The following NAALADL2 variants were observed in gnomAD, a reference collection of about 807,000 sequenced individuals.
NAALADL2 encodes N-acetylated alpha-linked acidic dipeptidase like 2, also known as inactive N-acetylated-alpha-linked acidic dipeptidase-like protein 2.
NAALADL2 carries 76 observed loss-of-function variants against 87.2 expected under a neutral mutation model. The ratio of observed to expected loss-of-function variants is 0.87; its 90% CI spans 0.72 to 1.05. The LOEUF is 1.05. NAALADL2 is among the 50% of genes least tolerant of loss of function. The pLI is 0.00. For missense variants in NAALADL2, 1,089 were observed against 945.8 expected (o/e 1.15, Z -1.99); for synonymous variants, 354 against 331.0 (o/e 1.07, Z -0.75).
At chr3:174,613,362 C>T (rs1284563053) in intron 2 of NAALADL2, among the ~76,000 whole-genome samples, 1 of 152,184 alleles carries the variant, frequency 6.6e-6, no homozygotes, top group Non-Finnish European at 1.5e-5. Context: ...ATCCCTTCAG[C>T]ACAGTGAGTT....
chr3:174,932,233 A>G (rs983473251), intron 1 of NAALADL2, among the ~76,000 whole-genome samples: 7 of 152,184 alleles, frequency 4.6e-5, no homozygotes, highest in African/African-American at 1.7e-4. Context: ...GATATCTCTA[A>G]CAGCATATCA....
intron 1 of NAALADL2, among the ~76,000 whole-genome samples, chr3:174,981,544 G>A (rs1745114304): frequency 6.6e-6 from 1 of 152,242 alleles, no homozygotes; most frequent in South Asian, 2.1e-4. Context: ...TTTTGCAGAA[G>A]TGTTCATATA....
At position 175,628,404 on chromosome 3, in the gene NAALADL2, T is replaced by C. The variant is rs1241368311; in HGVS notation, c.1896+1018T>C. On this transcript the variant is annotated intron_variant, in intron 11 of 13. Coordinates refer to ENST00000454872, the MANE Select transcript of NAALADL2 (RefSeq NM_207015.3). The stretch of plus-strand genomic sequence containing the variant: ...TAACCCCATCATAAGTTGTGAAATG[T>C]GTGTATTTTTATAGCAGTGAGTTAA... Among the ~76,000 whole-genome samples the C allele has an allele frequency of 3.4e-4, 52 of 151,354 alleles. 1 individual carries two copies. The highest frequency in any genetic ancestry group is 3.4e-3 in the Admixed American group (52 of 15,166).
chr3:175,437,515 G>A (rs973816964), intron 5 of NAALADL2, among the ~76,000 whole-genome samples: 11 of 136,760 alleles, frequency 8.0e-5, no homozygotes, highest in African/African-American at 1.4e-4. Context: ...CGTGAAAATG[G>A]CCATACTGCC....
At chr3:174,566,009 TG>T (rs1187887979) in intron 2 of NAALADL2, among the ~76,000 whole-genome samples, 3 of 151,958 alleles carry the variant, frequency 2.0e-5, no homozygotes, top group Non-Finnish European at 2.9e-5. Flanking sequence ...TTCTTCATTT[TG>T]AATTGACCAA....
chr3:174,552,795 CAAAAAAAAAAAAAAA>C (rs1164243901), intron 2 of NAALADL2, among the ~76,000 whole-genome samples: 1 of 55,976 alleles, frequency 1.8e-5, no homozygotes, highest in Non-Finnish European at 3.7e-5. Flanking sequence ...GACCCTGCCT[CAAAAAAAAAAAAAAA>C]AAAAAAAAAA....
At chr3:174,787,604 T>TATATACACACAC in intron 3 of NAALADL2, among the ~76,000 whole-genome samples, 1 of 87,938 alleles carries the variant, frequency 1.1e-5, no homozygotes, top group African/African-American at 3.6e-5. Flanking sequence ...TATATATATA[T>TATATACACACAC]ATATATATAT....
intron 5 of NAALADL2, among the ~76,000 whole-genome samples, chr3:175,415,941 C>A (rs986929940): frequency 1.4e-5 from 2 of 146,934 alleles, no homozygotes; most frequent in East Asian, 2.0e-4. Context: ...TACTGCGAGA[C>A]CTTGTCTCTA....
intron 9 of NAALADL2, among the ~76,000 whole-genome samples, chr3:175,549,123 T>A (rs1255754653): frequency 2.1e-5 from 3 of 142,260 alleles, no homozygotes; most frequent in African/African-American, 7.8e-5. Flanking sequence ...ACTATATACA[T>A]ACAGTTTTGA....
intron 1 of NAALADL2, among the ~76,000 whole-genome samples, chr3:174,530,487 C>G (rs1721142351): frequency 6.6e-6 from 1 of 152,178 alleles, no homozygotes; most frequent in East Asian, 1.9e-4. Flanking sequence ...CCCCACTCTG[C>G]TAGTACGAAT....
chr3:174,880,516 A>G (rs1394356218), intron 1 of NAALADL2, among the ~76,000 whole-genome samples: 1 of 151,994 alleles, frequency 6.6e-6, no homozygotes, highest in Non-Finnish European at 1.5e-5. Context: ...CTTGTTTGCA[A>G]TATCTGACTA....
intron 4 of NAALADL2, among the ~76,000 whole-genome samples, chr3:175,300,301 CAT>C (rs1756892018): frequency 6.6e-6 from 1 of 152,154 alleles, no homozygotes; most frequent in Non-Finnish European, 1.5e-5. Context: ...ATGCTGGCCT[CAT>C]AAAACGAGTT....
At chr3:175,426,666 T>A (rs1379195521) in intron 5 of NAALADL2, among the ~76,000 whole-genome samples, 3 of 152,154 alleles carry the variant, frequency 2.0e-5, no homozygotes, top group Admixed American at 2.0e-4. Context: ...TCCAACCTTA[T>A]CCTTTCTCAT....
chr3:175,667,161 A>AAG (rs1560942339), intron 11 of NAALADL2, among the ~76,000 whole-genome samples: 28 of 142,686 alleles, frequency 2.0e-4, no homozygotes, highest in East Asian at 2.0e-4. Flanking sequence ...GAGAGAAAGA[A>AAG]AAAGAAAGAA....
At chr3:175,692,187 G>A (rs903108456) in intron 11 of NAALADL2, among the ~76,000 whole-genome samples, 21 of 151,798 alleles carry the variant, frequency 1.4e-4, no homozygotes, top group African/African-American at 5.1e-4. Context: ...ATGTTCATAG[G>A]GGATTTCTCT....
Position 175,445,123 on chromosome 3 carries a change from C to T in NAALADL2, c.1091-2106C>T, listed in dbSNP as rs994221134. The stretch of plus-strand genomic sequence containing the variant: ...GCACTGCATTTGAAAACATCACAGG[C>T]TGCCTGATAGAGTCATTCTGTTGGG... On this transcript the variant is annotated intron_variant, in intron 5 of 13. Transcript: ENST00000454872. 2.0e-4 allele frequency among the ~76,000 whole-genome samples: 30 copies of T among 152,254 alleles called. 2 individuals carry two copies. Among genetic ancestry groups the T allele is most frequent in the Admixed American group, 1.3e-3 (20 of 15,282 alleles).
intron 3 of NAALADL2, among the ~76,000 whole-genome samples, chr3:174,764,164 C>CATG (rs34339424): frequency 0.31 from 47,635 of 151,898 alleles, 7,458 homozygotes; most frequent in Non-Finnish European, 0.35. Context: ...TTGGATTAAA[C>CATG]ATTATTCACT....
At chr3:175,624,035 A>G (rs975828731) in intron 10 of NAALADL2, among the ~76,000 whole-genome samples, 7 of 152,028 alleles carry the variant, frequency 4.6e-5, no homozygotes, top group Non-Finnish European at 1.5e-5. Flanking sequence ...GTTAGGTACA[A>G]ACAAGTTGTT....
chr3:175,222,936 T>C (rs893619411), intron 2 of NAALADL2, among the ~76,000 whole-genome samples: 5 of 152,160 alleles, frequency 3.3e-5, no homozygotes, highest in Non-Finnish European at 5.9e-5. Context: ...TGTTTCTGCA[T>C]TCAACCTGTT....
Sources: allele counts gnomAD v4.1 joint callset (sites outside exome capture counted in the v4.1 genomes callset), GRCh38; gene constraint gnomAD v4.1.1; transcripts MANE v1.5; gene names NCBI Gene and HGNC (gene_info 2026-07-23, HGNC 2026-07-21).